Variants in PCNX1 observed in about 807,000 individuals in gnomAD.
PCNX1 encodes pecanex-like protein 1.
In PCNX1, 78 loss-of-function variants were observed where a neutral mutation model predicts 242.2. The observed-to-expected ratio is 0.32, with a 90% CI of 0.27 to 0.39. PCNX1 has a LOEUF of 0.39. Ranked by LOEUF, PCNX1 falls within the 10% of genes least tolerant of loss-of-function variation. The pLI, the probability that PCNX1 is intolerant of heterozygous loss-of-function variation, is 1.00. For synonymous variants in PCNX1, 1,024 were observed against 1,032.9 expected (o/e 0.99, Z 0.17); for missense variants, 2,581 against 2,856.5 (o/e 0.90, Z 2.20).
chr14:71,025,327 T>C (rs1019618282), intron 13 of PCNX1, among the ~76,000 whole-genome samples: 7 of 152,192 alleles, frequency 4.6e-5, no homozygotes. Context: ...ATCTCTGTCA[T>C]TCTTTAAGTA....
chr14:70,928,888 C>T (rs778670407), intron 1 of PCNX1, among the ~76,000 whole-genome samples: 1 of 152,104 alleles, frequency 6.6e-6, no homozygotes, highest in Non-Finnish European at 1.5e-5. Context: ...TTTTTAAAAC[C>T]GTTACACTTT....
At chr14:70,948,585 G>C (rs1473372145) in intron 2 of PCNX1, among the ~76,000 whole-genome samples, 2 of 143,258 alleles carry the variant, frequency 1.4e-5, no homozygotes, top group African/African-American at 5.0e-5. Context: ...ATACACATAT[G>C]CATATATAGA....
chr14:70,980,365 C>CT (rs539679819), intron 6 of PCNX1, among the ~76,000 whole-genome samples: 7 of 150,136 alleles, frequency 4.7e-5, no homozygotes, highest in East Asian at 2.0e-4. Context: ...GTTTGTACTG[C>CT]TTTTTTTTAA....
chr14:71,034,088 A>G (rs754039564), intron 18 of PCNX1, 52 bp downstream of exon 18: 4 of 933,254 alleles, frequency 4.3e-6, no homozygotes, highest in South Asian at 1.4e-5. Context: ...TAGACAGTTG[A>G]TCATGTTATA....
chr14:70,934,173 C>T lies in PCNX1; in HGVS notation c.154-12742C>T, dbSNP rs187928108. Among the ~76,000 whole-genome samples, 8 of 152,278 alleles carry T rather than the reference C, an allele frequency of 5.3e-5. No individual in the cohort carries two copies. The East Asian group carries it at 1.5e-3, about 29-fold the overall frequency. On this transcript the variant is annotated intron_variant, in intron 1 of 35. Transcript: ENST00000304743. ...TGACCATTTCTGTGATGCCAAGCGG[C>T]GTTTTCAAGAGTCCTATTAGAAATG... is the stretch of plus-strand genomic sequence containing the variant.
intron 26 of PCNX1, among the ~76,000 whole-genome samples, chr14:71,068,433 T>G (rs2061504331): frequency 6.7e-6 from 1 of 149,254 alleles, no homozygotes; most frequent in South Asian, 2.1e-4. Flanking sequence ...TATATGTATA[T>G]ATGTATGTAT....
intron 21 of PCNX1, among the ~76,000 whole-genome samples, chr14:71,047,511 G>A (rs1033027596): frequency 6.6e-6 from 1 of 152,078 alleles, no homozygotes; most frequent in African/African-American, 2.4e-5. Flanking sequence ...TGCAGTTGGT[G>A]TTAAAGTAAT....
At position 70,907,734 on chromosome 14, in the gene PCNX1, C is replaced by T; in HGVS notation, c.-117C>T. 8.7e-6 allele frequency: 10 copies of T among 1,144,638 alleles called. No individual in the cohort carries two copies. Among genetic ancestry groups the T allele is most frequent in the African/African-American group, 3.3e-5 (2 of 61,364 alleles). 70.9% of individuals were successfully genotyped at this position (1,144,638 alleles called of 1,614,324 possible). On this transcript the variant is annotated 5_prime_UTR_variant, in exon 1 of 36. Coordinates refer to ENST00000304743, the MANE Select transcript of PCNX1 (RefSeq NM_014982.3). ...CCGCCGAAGCGCCGGCTCGCTCACC[C>T]GGAGCTCCGGAGGTGGATAGACGGG...
intron 28 of PCNX1, among the ~76,000 whole-genome samples, chr14:71,084,792 G>T (rs1000217892): frequency 3.9e-5 from 6 of 152,196 alleles, no homozygotes; most frequent in Non-Finnish European, 2.9e-5. Flanking sequence ...CTCCGTAGGG[G>T]TGGGATCCAC....
chr14:70,970,667 G>A (rs1465099197), intron 5 of PCNX1, among the ~76,000 whole-genome samples: 2 of 152,184 alleles, frequency 1.3e-5, no homozygotes, highest in African/African-American at 4.8e-5. Context: ...TATTGGCCAA[G>A]TTTGGGGTCA....
Position 71,099,060 on chromosome 14 carries a change from T to C in PCNX1, c.5590-2930T>C, listed in dbSNP as rs371376674. ...GCAAAAGTCATTCACAAGAAAGTTG[T>C]TTAATTCCCATGTAATTGTGTGGTT... On this transcript the variant is annotated intron_variant, in intron 30 of 35. Transcript: ENST00000304743. 9.8e-5 allele frequency among the ~76,000 whole-genome samples: 15 copies of C among 152,352 alleles called. No homozygotes were observed. In the East Asian group the frequency reaches 2.5e-3, roughly 25 times the overall value.
chr14:70,942,147 C>T (rs768901101), intron 1 of PCNX1, among the ~76,000 whole-genome samples: 10 of 152,072 alleles, frequency 6.6e-5, no homozygotes, highest in African/African-American at 1.2e-4. Context: ...CCGACAGGCC[C>T]CAGTGAGGTG....
chr14:70,998,931 T>G (rs978879808), intron 8 of PCNX1, among the ~76,000 whole-genome samples: 1 of 152,134 alleles, frequency 6.6e-6, no homozygotes, highest in Admixed American at 6.5e-5. Flanking sequence ...AATTCTTCAA[T>G]GTAATATGTT....
intron 28 of PCNX1, among the ~76,000 whole-genome samples, chr14:71,079,349 G>T (rs1038139939): frequency 1.3e-5 from 2 of 152,220 alleles, no homozygotes; most frequent in South Asian, 4.2e-4. Flanking sequence ...ATAATCCTTT[G>T]TGTGTATACC....
intron 30 of PCNX1, among the ~76,000 whole-genome samples, chr14:71,101,572 G>A (rs932781619): frequency 1.7e-4 from 26 of 151,610 alleles, no homozygotes; most frequent in Non-Finnish European, 2.8e-4. Context: ...TTAGAGATAC[G>A]ACTTTATGTG....
chr14:70,921,796 T>C (rs2056386334), intron 1 of PCNX1, among the ~76,000 whole-genome samples: 1 of 152,184 alleles, frequency 6.6e-6, no homozygotes, highest in Non-Finnish European at 1.5e-5. Flanking sequence ...ATGCATGGTA[T>C]TTATCTGTAC....
chr14:71,036,760 G>A (rs138496650), intron 19 of PCNX1, among the ~76,000 whole-genome samples: 353 of 152,244 alleles, frequency 2.3e-3, no homozygotes, highest in African/African-American at 8.0e-3. Flanking sequence ...ATATTTGTCC[G>A]TAGTGCTGAA....
chr14:71,072,900 G>T (rs2061619035), intron 26 of PCNX1, among the ~76,000 whole-genome samples: 1 of 152,196 alleles, frequency 6.6e-6, no homozygotes, highest in East Asian at 1.9e-4. Context: ...ACCTTCAGGA[G>T]ATGTGCCTTT....
At chr14:71,102,445 T>C (rs2062489598) in intron 31 of PCNX1, among the ~76,000 whole-genome samples, 1 of 152,106 alleles carries the variant, frequency 6.6e-6, no homozygotes, top group Non-Finnish European at 1.5e-5. Flanking sequence ...TTTGTGTTTT[T>C]TGTAGAGACA....
Sources: gnomAD v4.1 joint callset for allele counts (sites outside exome capture counted in the v4.1 genomes callset) on GRCh38, gnomAD v4.1.1 for gene constraint, MANE v1.5 for transcripts, NCBI Gene and HGNC (gene_info 2026-07-23, HGNC 2026-07-21) for gene names.